Variants in BLOC1S3 observed in about 807,000 individuals in gnomAD.
The protein encoded by BLOC1S3 is biogenesis of lysosomal organelles complex 1 subunit 3, also known as biogenesis of lysosome-related organelles complex 1 subunit 3.
Under a neutral mutation model 9.1 loss-of-function variants are expected in BLOC1S3, and 7 were observed. The observed-to-expected ratio is 0.77, with a 90% confidence interval of 0.44 to 1.45. The LOEUF is 1.45. Among genes scored for constraint, BLOC1S3 ranks in the 40% most tolerant of loss-of-function variants. BLOC1S3 has a pLI of 0.01. For missense variants in BLOC1S3, 307 were observed against 315.2 expected (o/e 0.97, Z 0.20); for synonymous variants, 145 against 158.4 (o/e 0.92, Z 0.64).
downstream of BLOC1S3, among the ~76,000 whole-genome samples, chr19:45,184,533 G>A (rs1295806893): frequency 3.9e-5 from 6 of 152,180 alleles, no homozygotes; most frequent in Non-Finnish European, 8.8e-5. Context: ...TTGAGCCCAG[G>A]AGGTCGAGGC....
downstream of BLOC1S3, among the ~76,000 whole-genome samples, chr19:45,186,603 G>A (rs1483434878): frequency 6.6e-6 from 1 of 152,248 alleles, no homozygotes; most frequent in African/African-American, 2.4e-5. Context: ...TACTCAGGAG[G>A]CTGAGGCAGA....
rs1398647478 is a variant in BLOC1S3, at chr19:45,180,696, C to T, written c.*791C>T. Reference sequence around the variant, plus strand: ...TTGGCTACGCCTCCCATCCTAGCTCCACTTCCAGAACTGCCTTCACCCTAG... The same window carrying T: ...TTGGCTACGCCTCCCATCCTAGCTCTACTTCCAGAACTGCCTTCACCCTAG... On this transcript the variant is annotated 3_prime_UTR_variant, in exon 2 of 2. Transcript: ENST00000433642. The T allele has an allele frequency of 6.0e-6, 1 of 167,214 alleles. No homozygotes were observed. The highest frequency in any genetic ancestry group is 1.5e-5 in the Non-Finnish European group (1 of 68,242). The allele number at this position is 167,214 out of a possible 1,614,324, so 10.4% of individuals were successfully genotyped here. A position where few individuals can be genotyped will look rare whatever the true frequency, so the allele number is the denominator to read the frequency against.
At position 45,179,850 on chromosome 19, in the gene BLOC1S3, A is replaced by G; in HGVS notation, c.554A>G (p.Asp185Gly). Residue 185 changes from aspartate to glycine, a missense_variant, in exon 2 of 2, where the codon GAC (aspartate) becomes GGC (glycine). Transcript: ENST00000433642. The surrounding 1 kb of genome is among the most constrained non-coding windows in gnomAD (Gnocchi z 4.6). ...DIVAGCRLLP[D>G]IRGVPGTEPE... is the part of the protein sequence containing the mutation. Reference sequence around the variant, plus strand: ...GTGGCTGGCTGCCGCCTGCTGCCGGACATCCGCGGCGTGCCAGGGACCGAG... The same window carrying G: ...GTGGCTGGCTGCCGCCTGCTGCCGGGCATCCGCGGCGTGCCAGGGACCGAG... 6.2e-7 allele frequency: 1 copy of G among 1,609,272 alleles called. No individual in the cohort carries two copies. The highest frequency in any genetic ancestry group is 8.5e-7 in the Non-Finnish European group (1 of 1,178,606).
At position 45,207,294 on chromosome 19, in the gene BLOC1S3, G is replaced by A. The variant is rs186003059; in HGVS notation, n.282+4787G>A. ...ACTACAGGTGCCCGACACCAAGCCC[G>A]ACTAATTTTTGTATTTTTAGTAGAG... On this transcript the variant is annotated intron_variant and non_coding_transcript_variant, in intron 3 of 3. Transcript: ENST00000591569. Among the ~76,000 whole-genome samples the A allele has an allele frequency of 5.6e-3, 829 of 148,048 alleles. 6 individuals are homozygous for A. The highest frequency in any genetic ancestry group is 0.016 in the African/African-American group (648 of 39,926).
At chr19:45,216,019 G>T (rs1191037176) in intron 3 of BLOC1S3, 2 of 1,602,184 alleles carry the variant, frequency 1.2e-6, no homozygotes, top group East Asian at 2.2e-5. Flanking sequence ...TGCCAAGGCC[G>T]CCAGGAGACC....
At chr19:45,194,016 G>C (rs1191110600) in intron 2 of BLOC1S3, among the ~76,000 whole-genome samples, 2 of 137,444 alleles carry the variant, frequency 1.5e-5, no homozygotes, top group East Asian at 4.4e-4. Context: ...TGTTAGCCAG[G>C]ATGGTCTCGA....
intron 3 of BLOC1S3, among the ~76,000 whole-genome samples, chr19:45,210,508 AG>A (rs1416725209): frequency 4.6e-5 from 7 of 151,554 alleles, no homozygotes; most frequent in South Asian, 2.1e-4. Flanking sequence ...CACGTTGGCC[AG>A]GCTGGTCTCG....
At chr19:45,183,892 C>T (rs1055961103), downstream of BLOC1S3, among the ~76,000 whole-genome samples, 1 of 152,068 alleles carries the variant, frequency 6.6e-6, no homozygotes, top group Non-Finnish European at 1.5e-5. Context: ...GCCTCTGCCT[C>T]CCAAAGTGCT....
At chr19:45,207,629 C>T (rs1003406876) in intron 3 of BLOC1S3, among the ~76,000 whole-genome samples, 2 of 147,452 alleles carry the variant, frequency 1.4e-5, no homozygotes, top group East Asian at 2.0e-4. Context: ...CTCACCTACT[C>T]GGGAGGCTGA....
At chr19:45,211,935 G>A (rs1344990699) in intron 3 of BLOC1S3, among the ~76,000 whole-genome samples, 1 of 152,182 alleles carries the variant, frequency 6.6e-6, no homozygotes, top group Non-Finnish European at 1.5e-5. Context: ...ACTAGGATCC[G>A]GCGGGGCTGG....
chr19:45,193,132 C>CAA (rs71173123), intron 2 of BLOC1S3, among the ~76,000 whole-genome samples: 3,638 of 77,856 alleles, frequency 0.047, 477 homozygotes, highest in Middle Eastern at 0.085. Context: ...AACTCCGTCT[C>CAA]AAAAAAAAAA....
chr19:45,179,628 T>G lies in BLOC1S3; in HGVS notation c.332T>G (p.Leu111Arg), dbSNP rs1009240049. 6 of 1,473,714 alleles carry G rather than the reference T, an allele frequency of 4.1e-6. No homozygotes were observed. In the African/African-American group the frequency reaches 7.3e-5, roughly 18 times the overall value. The allele number at this position is 1,473,714 out of a possible 1,614,324, so 91.3% of individuals were successfully genotyped here. A position where few individuals can be genotyped will look rare whatever the true frequency, so the allele number is the denominator to read the frequency against. ...GCCCCCGCGCGCTCGCTCCTGCAACTTCGGCTGGCGGAGAGCCAGGCGCGG... is the reference window on the plus strand; with the variant it reads ...GCCCCCGCGCGCTCGCTCCTGCAACGTCGGCTGGCGGAGAGCCAGGCGCGG... ...APAPARSLLQ[L>R]RLAESQARLD... Residue 111 changes from leucine (L) to arginine (R), a missense_variant, in exon 2 of 2, where the codon CTT becomes CGT. Transcript: ENST00000433642. This position sits in a 1 kb window ranked among gnomAD's most constrained non-coding sequence, Gnocchi z 4.6.
chr19:45,185,367 C>T (rs1056534887), downstream of BLOC1S3, among the ~76,000 whole-genome samples: 2 of 152,146 alleles, frequency 1.3e-5, no homozygotes, highest in African/African-American at 2.4e-5. Context: ...CACCATCACA[C>T]GGCATCAGCC....
intron 3 of BLOC1S3, chr19:45,212,837 C>CA (rs1969789646): frequency 4.3e-6 from 2 of 460,950 alleles, no homozygotes; most frequent in Non-Finnish European, 3.7e-6. Flanking sequence ...TGGGCTCAAG[C>CA]AATCCTCCGG....
intron 2 of BLOC1S3, among the ~76,000 whole-genome samples, chr19:45,192,441 G>T (rs947052972): frequency 6.6e-6 from 1 of 152,040 alleles, no homozygotes; most frequent in Non-Finnish European, 1.5e-5. Context: ...TAACTAAGCT[G>T]CCAGACAAAG....
At chr19:45,197,066 G>A (rs1005390309) in intron 2 of BLOC1S3, among the ~76,000 whole-genome samples, 3 of 151,950 alleles carry the variant, frequency 2.0e-5, no homozygotes, top group Non-Finnish European at 2.9e-5. Flanking sequence ...CTCAGCAGGT[G>A]GGTGGGATGC....
chr19:45,185,831 G>A (rs892975610), downstream of BLOC1S3, among the ~76,000 whole-genome samples: 5 of 151,974 alleles, frequency 3.3e-5, no homozygotes, highest in Middle Eastern at 3.2e-3. Context: ...ACCTAGATGG[G>A]TCAGGTGCGG....
At chr19:45,212,923 G>T in intron 3 of BLOC1S3, 1 of 923,116 alleles carries the variant, frequency 1.1e-6, no homozygotes, top group Non-Finnish European at 1.5e-6. Flanking sequence ...TGTACAGGGA[G>T]TTTGGGGTTG....
At chr19:45,193,125 T>C (rs1599752101) in intron 2 of BLOC1S3, among the ~76,000 whole-genome samples, 1 of 63,934 alleles carries the variant, frequency 1.6e-5, no homozygotes, top group South Asian at 6.9e-4. Context: ...AGAGCAAAAC[T>C]CCGTCTCAAA....
Sources: allele counts gnomAD v4.1 joint callset (sites outside exome capture counted in the v4.1 genomes callset), GRCh38; gene constraint gnomAD v4.1.1; non-coding constraint Gnocchi (gnomAD v3.1); transcripts MANE v1.5; gene names NCBI Gene and HGNC (gene_info 2026-07-23, HGNC 2026-07-21).